FSTL5: variants seen among roughly 807,000 people sequenced by gnomAD.
FSTL5 encodes follistatin-related protein 5.
Under a neutral mutation model 89.1 loss-of-function variants are expected in FSTL5, and 62 were observed. The ratio of observed to expected loss-of-function variants is 0.70; its 90% CI spans 0.57 to 0.86. FSTL5 has a LOEUF of 0.86. FSTL5 is among the 40% of genes least tolerant of loss of function. The pLI, the probability that FSTL5 is intolerant of heterozygous loss-of-function variation, is 0.00. For missense variants in FSTL5, 1,057 were observed against 1,001.6 expected (o/e 1.06, Z -0.75); for synonymous variants, 383 against 346.2 (o/e 1.11, Z -1.18).
chr4:161,897,945 T>C (rs1248313321), intron 4 of FSTL5, among the ~76,000 whole-genome samples: 1 of 151,844 alleles, frequency 6.6e-6, no homozygotes, highest in Non-Finnish European at 1.5e-5. Flanking sequence ...TACTTTTGCC[T>C]TTTCTAAAAT....
chr4:161,668,702 T>A (rs1736980547), intron 6 of FSTL5, among the ~76,000 whole-genome samples: 1 of 152,172 alleles, frequency 6.6e-6, no homozygotes, highest in Non-Finnish European at 1.5e-5. Context: ...TATGCAAGAA[T>A]GAGTCAACAT....
At chr4:161,860,158 G>T (rs1019522413) in intron 4 of FSTL5, among the ~76,000 whole-genome samples, 2 of 151,972 alleles carry the variant, frequency 1.3e-5, no homozygotes, top group South Asian at 4.2e-4. Flanking sequence ...CGTGGTGGCG[G>T]GCGCCTGTAG....
Position 162,125,716 on chromosome 4 carries a change from T to G in FSTL5, c.-16-14304A>C, listed in dbSNP as rs72984787. On this transcript the variant is annotated intron_variant, in intron 1 of 15. Transcript: ENST00000306100. ...ATATTTGATTTGCATTTATTTTTAATCCTTAGTGTAATTTACTTTAGGTGT... is the reference window on the plus strand; with the variant it reads ...ATATTTGATTTGCATTTATTTTTAAGCCTTAGTGTAATTTACTTTAGGTGT... 5.8e-3 allele frequency among the ~76,000 whole-genome samples: 889 copies of G among 152,182 alleles called. 6 individuals carry two copies. Among genetic ancestry groups the G allele is most frequent in the African/African-American group, 0.02 (850 of 41,570 alleles).
At chr4:161,656,188 C>G (rs974281420) in intron 7 of FSTL5, 140 bp downstream of exon 7, 4 of 442,046 alleles carry the variant, frequency 9.0e-6, no homozygotes, top group African/African-American at 2.0e-5. Flanking sequence ...CCTCTCATTC[C>G]GTAGATTAGA....
At chr4:161,781,419 A>G (rs1004754827) in intron 4 of FSTL5, among the ~76,000 whole-genome samples, 1 of 152,094 alleles carries the variant, frequency 6.6e-6, no homozygotes, top group African/African-American at 2.4e-5. Flanking sequence ...TTTGAACTTT[A>G]CTTAAGTGTA....
chr4:161,847,672 T>G (rs1336193123), intron 4 of FSTL5, among the ~76,000 whole-genome samples: 1 of 152,168 alleles, frequency 6.6e-6, no homozygotes, highest in Admixed American at 6.6e-5. Context: ...CCAAGTTTAC[T>G]TCAGCATTCG....
chr4:161,498,484 T>C (rs1234833283), intron 12 of FSTL5, among the ~76,000 whole-genome samples: 6 of 152,184 alleles, frequency 3.9e-5, no homozygotes, highest in African/African-American at 7.2e-5. Flanking sequence ...ATATTCTTTG[T>C]CTCTAAATTT....
chr4:161,903,345 C>T (rs954221733), intron 4 of FSTL5, among the ~76,000 whole-genome samples: 18 of 151,794 alleles, frequency 1.2e-4, no homozygotes, highest in African/African-American at 4.1e-4. Flanking sequence ...TTTCTTTAGT[C>T]CCTATCAAAA....
chr4:161,887,327 A>C (rs1443050962), intron 4 of FSTL5, among the ~76,000 whole-genome samples: 1 of 152,116 alleles, frequency 6.6e-6, no homozygotes, highest in Admixed American at 6.5e-5. Flanking sequence ...ATCTCTAGGA[A>C]CACTTAGAAA....
intron 14 of FSTL5, among the ~76,000 whole-genome samples, chr4:161,457,921 G>T (rs1159931070): frequency 6.6e-6 from 1 of 152,148 alleles, no homozygotes; most frequent in East Asian, 1.9e-4. Context: ...ATCTGGGCAG[G>T]CAATGTGACT....
At chr4:162,021,667 A>C (rs182556190) in intron 3 of FSTL5, among the ~76,000 whole-genome samples, 153 of 152,268 alleles carry the variant, frequency 1.0e-3, no homozygotes, top group African/African-American at 3.3e-3. Context: ...TCATTATCTT[A>C]AGGGAAACAA....
In FSTL5 at chr4:161,393,412, T is replaced by G. The variant is rs533183238; in HGVS notation, c.1842-6963A>C. On this transcript the variant is annotated intron_variant, in intron 15 of 15. Transcript: ENST00000306100. Reference sequence around the variant, plus strand: ...AGAGAAAATAAATGGTCTTTATCCTTAAGGTAAACTACAGTCAAGCAGAAG... The same window carrying G: ...AGAGAAAATAAATGGTCTTTATCCTGAAGGTAAACTACAGTCAAGCAGAAG... Among the ~76,000 whole-genome samples the G allele has an allele frequency of 2.0e-4, 31 of 151,948 alleles. No individual in the cohort carries two copies. The South Asian group carries it at 6.4e-3, about 32-fold the overall frequency.
intron 4 of FSTL5, among the ~76,000 whole-genome samples, chr4:161,860,846 G>T (rs1336862302): frequency 6.6e-6 from 1 of 151,964 alleles, no homozygotes; most frequent in East Asian, 1.9e-4. Flanking sequence ...CATAGCCCAA[G>T]AAATCTTGGA....
intron 15 of FSTL5, among the ~76,000 whole-genome samples, chr4:161,410,045 C>A (rs962817694): frequency 1.3e-5 from 2 of 152,116 alleles, no homozygotes; most frequent in South Asian, 4.1e-4. Flanking sequence ...ATAAGATCTA[C>A]CATGCAAACA....
chr4:161,502,624 T>G (rs187827992), intron 11 of FSTL5, among the ~76,000 whole-genome samples: 6 of 151,904 alleles, frequency 3.9e-5, no homozygotes, highest in Admixed American at 3.9e-4. Context: ...CTACCTTTAA[T>G]GGTCTCTGCG....
chr4:161,682,824 G>A (rs1737569886), intron 6 of FSTL5, among the ~76,000 whole-genome samples: 1 of 151,878 alleles, frequency 6.6e-6, no homozygotes, highest in Non-Finnish European at 1.5e-5. Flanking sequence ...TTGGCTCACT[G>A]CAACCTCCTC....
At chr4:161,658,006 G>A (rs961534339) in intron 6 of FSTL5, among the ~76,000 whole-genome samples, 2 of 152,278 alleles carry the variant, frequency 1.3e-5, no homozygotes, top group African/African-American at 4.8e-5. Context: ...AGTAGAGAAA[G>A]GCTCAGCCCA....
At chr4:161,403,583 T>C (rs1442151548) in intron 15 of FSTL5, among the ~76,000 whole-genome samples, 2 of 152,194 alleles carry the variant, frequency 1.3e-5, no homozygotes, top group Non-Finnish European at 2.9e-5. Flanking sequence ...GAAAAATAAT[T>C]CAGGTTTTAT....
chr4:162,137,752 A>G (rs1230358392), intron 1 of FSTL5, among the ~76,000 whole-genome samples: 13 of 152,194 alleles, frequency 8.5e-5, no homozygotes, highest in Non-Finnish European at 1.6e-4. Context: ...TACAGACAAA[A>G]AACGCTTTTG....
Sources: allele counts gnomAD v4.1 joint callset (sites outside exome capture counted in the v4.1 genomes callset), GRCh38; gene constraint gnomAD v4.1.1; transcripts MANE v1.5; gene names NCBI Gene and HGNC (gene_info 2026-07-23, HGNC 2026-07-21).